PALS1: variants seen among roughly 807,000 people sequenced by gnomAD.
PALS1 encodes protein PALS1.
A neutral mutation model predicts 78.9 loss-of-function variants in PALS1; 31 were observed. The ratio of observed to expected loss-of-function variants is 0.39; its 90% CI spans 0.30 to 0.53. PALS1 has a LOEUF of 0.53. Among genes scored for constraint, PALS1 ranks in the 20% least tolerant of loss-of-function variants. The pLI is 0.67. For missense variants in PALS1, 704 were observed against 826.5 expected, an observed-to-expected ratio of 0.85 and a Z score of 1.82; for synonymous variants, 276 against 270.9, an observed-to-expected ratio of 1.02 and a Z score of -0.18.
chr14:67,311,671 A>G (rs1325333693), intron 8 of PALS1, among the ~76,000 whole-genome samples: 2 of 152,234 alleles, frequency 1.3e-5, no homozygotes, highest in African/African-American at 4.8e-5. Flanking sequence ...TGGCATACAG[A>G]ATAGCTTATA....
At position 67,302,523 on chromosome 14, in the gene PALS1, T is replaced by G. The variant is rs1457706194; in HGVS notation, c.915T>G (p.Asn305Lys). ...LHEGDEVLEI[N>K]GIEIRGKDVN... is the part of the protein sequence containing the mutation. The stretch of plus-strand genomic sequence containing the variant: ...AAGGAGATGAAGTTCTAGAGATTAA[T>G]GGCATTGAAATTCGGGGGAAAGATG... Residue 305 changes from asparagine to lysine, a missense_variant, in exon 7 of 15, where the codon AAT becomes AAG. Transcript: ENST00000261681. 1 of 1,591,598 alleles carries G rather than the reference T, an allele frequency of 6.3e-7. No homozygotes were observed. The highest frequency in any genetic ancestry group is 8.5e-7 in the Non-Finnish European group (1 of 1,170,072).
chr14:67,328,620 T>G lies in PALS1; in HGVS notation c.1852-4160T>G, dbSNP rs912022461. On this transcript the variant is annotated intron_variant, in intron 14 of 14. Transcript: ENST00000261681. ...GTTTTTCTGGTTTTAGGTCTAACAT[T>G]TAAGTCTTTAATCCATCTTGAATTA... Among the ~76,000 whole-genome samples, 579 of 152,332 alleles carry G rather than the reference T, an allele frequency of 3.8e-3. 8 individuals carry two copies. Among genetic ancestry groups the G allele is most frequent in the Admixed American group, 0.019 (297 of 15,300 alleles).
intron 1 of PALS1, among the ~76,000 whole-genome samples, chr14:67,261,429 A>G (rs913090851): frequency 5.9e-5 from 9 of 152,176 alleles, no homozygotes. Flanking sequence ...GTATAGTTAT[A>G]AGTATGTTTA....
intron 1 of PALS1, among the ~76,000 whole-genome samples, chr14:67,257,308 GTCCTTTATCCACAAGGAATT>G (rs1468767906): frequency 6.9e-4 from 105 of 152,268 alleles, no homozygotes; most frequent in African/African-American, 2.5e-3. Flanking sequence ...AGTTCTGTCT[GTCCTTTATCCACAAGGAATT>G]TCCTTGTGGG....
rs114991615 is a variant in PALS1 at position 67,323,819 on chromosome 14, T to G, written c.1851+7T>G. ...AGAAGGCAAGAATCCAAAGGTAAAG[T>G]TTTCACACTATTGTACTATTCCATT... is the stretch of plus-strand genomic sequence containing the variant. On this transcript the variant is annotated splice_region_variant and intron_variant, in intron 14 of 14. Transcript: ENST00000261681. The G allele has an allele frequency of 1.3e-3, 1,824 of 1,417,082 alleles. 29 individuals carry two copies. The African/African-American group carries it at 0.023, about 18-fold the overall frequency. The allele number at this position is 1,417,082 out of a possible 1,614,324, so 87.8% of individuals were successfully genotyped here.
At position 67,335,441 on chromosome 14, in the gene PALS1, C is replaced by A. The variant is rs1167912799; in HGVS notation, c.*2485C>A. On this transcript the variant is annotated 3_prime_UTR_variant, in exon 15 of 15. Coordinates refer to ENST00000261681, the MANE Select transcript of PALS1 (RefSeq NM_022474.4). ...TGATATCAATAACTAATGCTATGTA[C>A]TTGGAAAATCCAAATAAGGAAGTTT... 6.6e-6 allele frequency: 1 copy of A among 152,374 alleles called. No homozygotes were observed. The highest frequency in any genetic ancestry group is 2.4e-5 in the African/African-American group (1 of 41,452). The allele number at this position is 152,374 out of a possible 1,614,324, so 9.4% of individuals were successfully genotyped here.
intron 2 of PALS1, among the ~76,000 whole-genome samples, chr14:67,278,642 A>G (rs1310729315): frequency 6.6e-6 from 1 of 152,214 alleles, no homozygotes; most frequent in Non-Finnish European, 1.5e-5. Flanking sequence ...AGCATAAAGT[A>G]CAGTGTTGAG....
chr14:67,308,526 C>G (rs1306662328), intron 8 of PALS1, among the ~76,000 whole-genome samples: 1 of 149,850 alleles, frequency 6.7e-6, no homozygotes, highest in Non-Finnish European at 1.5e-5. Flanking sequence ...TCAGCACTCT[C>G]CAAATATTTT....
rs118056267 is a variant in PALS1 at position 67,321,598 on chromosome 14, C to T, written c.1740+339C>T. 5.1e-4 allele frequency among the ~76,000 whole-genome samples: 78 copies of T among 152,234 alleles called. No homozygotes were observed. The East Asian group carries it at 0.014, about 27-fold the overall frequency. ...ATAGACCCAAGTCTGAAATTAAATT[C>T]ATTTATCTTTTATATACACCTTATT... On this transcript the variant is annotated intron_variant, in intron 13 of 14. Transcript: ENST00000261681.
At chr14:67,285,850 A>G (rs957310916) in intron 3 of PALS1, among the ~76,000 whole-genome samples, 2 of 152,094 alleles carry the variant, frequency 1.3e-5, no homozygotes, top group Non-Finnish European at 2.9e-5. Flanking sequence ...AGGAGGGAGG[A>G]CAGAGTTTAC....
chr14:67,302,552 A>G lies in PALS1; in HGVS notation c.944A>G (p.Asn315Ser), dbSNP rs756165871. Residue 315 changes from asparagine to serine, a missense_variant, in exon 7 of 15, where the codon AAT (asparagine) becomes AGT (serine). Transcript: ENST00000261681. ...NGIEIRGKDV[N>S]EVFDLLSDMH... ...ATTGAAATTCGGGGGAAAGATGTCA[A>G]TGAGGTTTTTGACTTGTTGGTAAGT... 2.7e-5 allele frequency: 42 copies of G among 1,537,562 alleles called. No homozygotes were observed. The highest frequency in any genetic ancestry group is 1.7e-4 in the Middle Eastern group (1 of 5,822).
Position 67,335,786 on chromosome 14 carries a change from A to C in PALS1, c.*2830A>C, listed in dbSNP as rs976311194. 3 of 152,560 alleles carry C rather than the reference A, an allele frequency of 2.0e-5. No individual in the cohort carries two copies. Among genetic ancestry groups the C allele is most frequent in the Non-Finnish European group, 4.4e-5 (3 of 68,044 alleles). 9.5% of individuals were successfully genotyped at this position (152,560 alleles called of 1,614,324 possible). ...TACTGTACACTGTATTGTAAAAATA[A>C]AAAGTAAAATTATATTTCAAATTTT... On this transcript the variant is annotated 3_prime_UTR_variant, in exon 15 of 15. Transcript: ENST00000261681.
intron 11 of PALS1, among the ~76,000 whole-genome samples, 164 bp from the exon 12 acceptor site, chr14:67,320,066 G>A (rs555197173): frequency 6.6e-6 from 1 of 152,222 alleles, no homozygotes; most frequent in African/African-American, 2.4e-5. Context: ...ATTAATAGAA[G>A]GAGTATTATA....
chr14:67,312,528 T>A lies in PALS1; in HGVS notation c.1043T>A (p.Ile348Asn), dbSNP rs1233073248. Residue 348 changes from isoleucine to asparagine, a missense_variant and splice_region_variant, in exon 9 of 15, where the codon ATC becomes AAC. Physicochemically the swap from Ile to Asn is moderately radical, Grantham distance 149 (BLOSUM62 -3). Coordinates refer to ENST00000261681, the MANE Select transcript of PALS1 (RefSeq NM_022474.4). ...IKPPPAKETVIHVKAHFDYDP... is the reference protein window; with the variant it reads ...IKPPPAKETVNHVKAHFDYDP... ...GTTTTTGCCCTTTTTATCTTTTAGA[T>A]CCATGTAAAAGCTCATTTTGACTAT... 1.9e-6 allele frequency: 3 copies of A among 1,567,074 alleles called. No homozygotes were observed. The highest frequency in any genetic ancestry group is 2.6e-6 in the Non-Finnish European group (3 of 1,155,192).
intron 1 of PALS1, among the ~76,000 whole-genome samples, chr14:67,266,147 T>G (rs1188864978): frequency 6.6e-6 from 1 of 151,904 alleles, no homozygotes; most frequent in African/African-American, 2.4e-5. Flanking sequence ...GTTAAACGAG[T>G]TCAGTTTACT....
intron 1 of PALS1, among the ~76,000 whole-genome samples, chr14:67,255,792 A>G (rs1056197399): frequency 6.6e-6 from 1 of 152,128 alleles, no homozygotes; most frequent in Non-Finnish European, 1.5e-5. Flanking sequence ...GGTTCAAACA[A>G]TTCTTCTGCC....
intron 8 of PALS1, 29 bp from the exon 9 acceptor site, chr14:67,312,498 T>C: frequency 7.1e-7 from 1 of 1,407,072 alleles, no homozygotes; most frequent in Middle Eastern, 2.3e-4. Context: ...TTGCCATTTA[T>C]TGTTGTTTTT....
intron 1 of PALS1, among the ~76,000 whole-genome samples, chr14:67,265,955 T>G (rs148572548): frequency 0.012 from 1,839 of 152,220 alleles, 19 homozygotes; most frequent in Non-Finnish European, 0.018. Flanking sequence ...TAAAAAACTT[T>G]TAAAAAAAAT....
chr14:67,265,200 A>G (rs1400281979), intron 1 of PALS1, among the ~76,000 whole-genome samples: 1 of 152,234 alleles, frequency 6.6e-6, no homozygotes, highest in Admixed American at 6.5e-5. Flanking sequence ...AGCCTAAACC[A>G]TGAACTATAT....
Sources: gnomAD v4.1 joint callset for allele counts (sites outside exome capture counted in the v4.1 genomes callset) on GRCh38, gnomAD v4.1.1 for gene constraint, MANE v1.5 for transcripts, NCBI Gene and HGNC (gene_info 2026-07-23, HGNC 2026-07-21) for gene names.